The following ATP2A3 variants were observed in gnomAD, a reference collection of about 807,000 sequenced individuals.
ATP2A3 encodes ATPase sarcoplasmic/endoplasmic reticulum Ca2+ transporting 3, also known as sarcoplasmic/endoplasmic reticulum calcium ATPase 3.
ATP2A3 carries 61 observed loss-of-function variants against 106.8 expected under a neutral mutation model. That is an observed-to-expected ratio of 0.57 (90% CI 0.46 to 0.71). The LOEUF (loss-of-function observed/expected upper bound fraction) is 0.71, where lower values mean the gene tolerates loss of function less well. Among genes scored for constraint, ATP2A3 ranks in the 30% least tolerant of loss-of-function variants. The pLI is 0.00. For missense variants in ATP2A3, 1,201 were observed against 1,423.5 expected (o/e 0.84, Z 2.52); for synonymous variants, 611 against 609.3 (o/e 1.00, Z -0.04).
chr17:3,925,390 A>G lies in ATP2A3; in HGVS notation c.*32T>C. ...CACATGGGCACCATCAGTCTGAGGT[A>G]CACACCGGAGACTCCACTCTGTTCC... On this transcript the variant is annotated 3_prime_UTR_variant, in exon 21 of 21. Coordinates refer to ENST00000397041, the MANE Select transcript of ATP2A3 (RefSeq NM_005173.4). The surrounding 1 kb of genome is among the most constrained non-coding windows in gnomAD (Gnocchi z 4.2). 1 of 1,613,866 alleles carries G rather than the reference A, an allele frequency of 6.2e-7. No individual in the cohort carries two copies. The highest frequency in any genetic ancestry group is 1.1e-5 in the South Asian group (1 of 91,070).
chr17:3,958,869 TACACACAC>T (rs1555566985), intron 1 of ATP2A3, among the ~76,000 whole-genome samples: 3 of 77,418 alleles, frequency 3.9e-5, no homozygotes, highest in Middle Eastern at 7.0e-3. Flanking sequence ...TATATATATA[TACACACAC>T]ACACACACAC....
rs562556877 is a variant in ATP2A3 at position 3,927,816 on chromosome 17, C to G, written c.2980+847G>C. On this transcript the variant is annotated intron_variant, in intron 20 of 20. Coordinates refer to ENST00000397041, the MANE Select transcript of ATP2A3 (RefSeq NM_005173.4). ...ACAGACGCGTGATCTATTTATAGTCCCTCCACCCACTCCCCTGGGGCACAT... is the reference window on the plus strand; with the variant it reads ...ACAGACGCGTGATCTATTTATAGTCGCTCCACCCACTCCCCTGGGGCACAT... 11 of 985,376 alleles carry G rather than the reference C, an allele frequency of 1.1e-5. No homozygotes were observed. The South Asian group carries it at 3.8e-4, about 34-fold the overall frequency. 61.0% of individuals were successfully genotyped at this position (985,376 alleles called of 1,614,324 possible). A position where few individuals can be genotyped will look rare whatever the true frequency, so the allele number is the denominator to read the frequency against.
chr17:3,941,838 G>A (rs1365533874), intron 12 of ATP2A3, among the ~76,000 whole-genome samples, 184 bp from the exon 13 acceptor site: 1 of 152,194 alleles, frequency 6.6e-6, no homozygotes, highest in Non-Finnish European at 1.5e-5. Flanking sequence ...GTCCCCCTGT[G>A]AGACAATCTA....
chr17:3,938,352 T>C (rs2053562717), intron 14 of ATP2A3, among the ~76,000 whole-genome samples: 1 of 151,916 alleles, frequency 6.6e-6, no homozygotes, highest in South Asian at 2.1e-4. Flanking sequence ...GGGAGTCGCT[T>C]GAGCCCGGGA....
At position 3,951,596 on chromosome 17, in the gene ATP2A3, A is replaced by C; in HGVS notation, c.309T>G (p.Ile103Met). Residue 103 changes from isoleucine to methionine, a missense_variant, in exon 4 of 21, where the codon ATT becomes ATG. By Grantham distance (10) the Ile-to-Met change is conservative. Coordinates refer to ENST00000397041, the MANE Select transcript of ATP2A3 (RefSeq NM_005173.4). ...TGCCTCCCACCTGCCACACGCCCACAATGGCGTTGGCCACGAGGATCAGCA... is the reference window on the plus strand; with the variant it reads ...TGCCTCCCACCTGCCACACGCCCACCATGGCGTTGGCCACGAGGATCAGCA... The part of the protein sequence containing the change: ...VIMLILVANA[I>M]VGVWQERNAE... 1.5e-6 allele frequency: 2 copies of C among 1,317,878 alleles called. No homozygotes were observed. The highest frequency in any genetic ancestry group is 2.0e-6 in the Non-Finnish European group (2 of 996,290). The allele number at this position is 1,317,878 out of a possible 1,614,324, so 81.6% of individuals were successfully genotyped here.
chr17:3,924,748 G>C lies in ATP2A3; in HGVS notation c.*674C>G. On this transcript the variant is annotated 3_prime_UTR_variant, in exon 21 of 21. Coordinates refer to ENST00000397041, the MANE Select transcript of ATP2A3 (RefSeq NM_005173.4). The surrounding 1 kb of genome is among the most constrained non-coding windows in gnomAD (Gnocchi z 6.4). ...TCCCGGGAAAGGACATCCTCGCTCC[G>C]CCCTCCTGCCGGCTCCTTGTGTCCG... 2 of 456,568 alleles carry C rather than the reference G, an allele frequency of 4.4e-6. No individual in the cohort carries two copies. Among genetic ancestry groups the C allele is most frequent in the South Asian group, 3.1e-5 (2 of 64,570 alleles). 28.3% of individuals were successfully genotyped at this position (456,568 alleles called of 1,614,324 possible).
At position 3,951,566 on chromosome 17, in the gene ATP2A3, C is replaced by A; in HGVS notation, c.324+15G>T. ...AGACCGCCCCCCGCCCGGTCCCACC[C>A]CCAGTGCCTCCCACCTGCCACACGC... On this transcript the variant is annotated intron_variant, in intron 4 of 20. Coordinates refer to ENST00000397041, the MANE Select transcript of ATP2A3 (RefSeq NM_005173.4). 1 of 1,564,918 alleles carries A rather than the reference C, an allele frequency of 6.4e-7. No individual in the cohort carries two copies. Among genetic ancestry groups the A allele is most frequent in the South Asian group, 1.2e-5 (1 of 85,328 alleles).
intron 1 of ATP2A3, among the ~76,000 whole-genome samples, chr17:3,958,026 G>A (rs937539169): frequency 5.7e-4 from 87 of 152,220 alleles, no homozygotes; most frequent in African/African-American, 2.0e-3. Context: ...CTGGGAGTCA[G>A]CCTGCAGTCC....
In ATP2A3 at chr17:3,930,588, T is replaced by G. The variant is rs1597572360; in HGVS notation, c.2611-154A>C. On this transcript the variant is annotated intron_variant, in intron 17 of 20. Coordinates refer to ENST00000397041, the MANE Select transcript of ATP2A3 (RefSeq NM_005173.4). This position sits in a 1 kb window ranked among gnomAD's most constrained non-coding sequence, Gnocchi z 5.4. The stretch of plus-strand genomic sequence containing the variant: ...GGTGGGCTGGGGATCCCGGGAGGGG[T>G]GCGGGGTCGGGGCGGCGGTGGGGAG... The G allele has an allele frequency of 2.7e-5, 16 of 587,800 alleles. No individual in the cohort carries two copies. Among genetic ancestry groups the G allele is most frequent in the African/African-American group, 4.5e-5 (2 of 44,400 alleles). 36.4% of individuals were successfully genotyped at this position (587,800 alleles called of 1,614,324 possible).
At chr17:3,927,368 A>G in intron 20 of ATP2A3, 1 of 985,460 alleles carries the variant, frequency 1.0e-6, no homozygotes, top group Non-Finnish European at 1.2e-6. Context: ...AGTTGTGGCC[A>G]TTTGGGAACT....
In ATP2A3 at chr17:3,929,862, C is replaced by T. The variant is rs60658469; in HGVS notation, c.2745-417G>A. On this transcript the variant is annotated intron_variant, in intron 18 of 20. Coordinates refer to ENST00000397041, the MANE Select transcript of ATP2A3 (RefSeq NM_005173.4). This position sits in a 1 kb window ranked among gnomAD's most constrained non-coding sequence, Gnocchi z 4.3. The stretch of plus-strand genomic sequence containing the variant: ...CTCCCAGACCTCAGTCCTGGACTCC[C>T]CTGACCCCTGGAACCCAATCCTGGA... Among the ~76,000 whole-genome samples the T allele has an allele frequency of 0.058, 8,759 of 151,210 alleles. 864 individuals carry two copies. Among genetic ancestry groups the T allele is most frequent in the African/African-American group, 0.2 (8,255 of 40,700 alleles).
chr17:3,961,506 T>A (rs1342647159), intron 1 of ATP2A3, among the ~76,000 whole-genome samples: 2 of 105,736 alleles, frequency 1.9e-5, no homozygotes, highest in African/African-American at 7.4e-5. Context: ...CTGTGTGCAG[T>A]GAGGGAGGAG....
At position 3,940,031 on chromosome 17, in the gene ATP2A3, C is replaced by CTTTTTTTTTTTTT. The variant is rs1174008086; in HGVS notation, c.2100+939_2100+940insAAAAAAAAAAAAA. On this transcript the variant is annotated intron_variant, in intron 14 of 20. Coordinates refer to ENST00000397041, the MANE Select transcript of ATP2A3 (RefSeq NM_005173.4). ...ATGGGTTGATGGTAATGTGTCATAT[C>CTTTTTTTTTTTTT]TTTTTTTTTTTGTTTTTTGTTTTTT... is the stretch of plus-strand genomic sequence containing the variant. 5.2e-4 allele frequency among the ~76,000 whole-genome samples: 50 copies of CTTTTTTTTTTTTT among 96,506 alleles called. 4 individuals carry two copies. The highest frequency in any genetic ancestry group is 2.3e-3 in the African/African-American group (48 of 21,128). 63.3% of individuals were successfully genotyped at this position (96,506 alleles called of 152,430 possible).
chr17:3,925,209 G>A lies in ATP2A3; in HGVS notation c.*213C>T. ...ACTTCCCAGGAGAGTCCAGGAGACA[G>A]GAATTACAGACCTCCCAGGCCAGAA... is the stretch of plus-strand genomic sequence containing the variant. On this transcript the variant is annotated 3_prime_UTR_variant, in exon 21 of 21. Transcript: ENST00000397041. This position sits in a 1 kb window ranked among gnomAD's most constrained non-coding sequence, Gnocchi z 4.2. The A allele has an allele frequency of 1.4e-6, 1 of 709,436 alleles. No individual in the cohort carries two copies. Among genetic ancestry groups the A allele is most frequent in the Non-Finnish European group, 2.4e-6 (1 of 422,642 alleles). 43.9% of individuals were successfully genotyped at this position (709,436 alleles called of 1,614,324 possible).
Position 3,953,356 on chromosome 17 carries a change from A to G in ATP2A3, c.210T>C (p.Leu70=), listed in dbSNP as rs1436273490. ...GCAGGGCCCTACTTACAAAGGAGAC[A>G]AGGGCAGCCAGCAGCAGGATGCGCA... is the stretch of plus-strand genomic sequence containing the variant. ...LLVRILLLAA[L]VSFVLAWFEE... Residue 70 remains leucine, a synonymous_variant, in exon 3 of 21, where the codon CTT becomes CTC. Transcript: ENST00000397041. This position sits in a 1 kb window ranked among gnomAD's most constrained non-coding sequence, Gnocchi z 5.1. 2 of 1,613,806 alleles carry G rather than the reference A, an allele frequency of 1.2e-6. No homozygotes were observed. The highest frequency in any genetic ancestry group is 1.7e-6 in the Non-Finnish European group (2 of 1,179,952).
chr17:3,951,546 G>GGGCCCCCCCC, intron 4 of ATP2A3, 35 bp downstream of exon 4: 4 of 1,319,570 alleles, frequency 3.0e-6, no homozygotes, highest in Non-Finnish European at 4.2e-6. Flanking sequence ...CTGGGAGACC[G>GGGCCCCCCCC]CCCCCCGCCC....
In ATP2A3 at chr17:3,958,715, TATACAC is replaced by T. The variant is rs1287785330; in HGVS notation, c.119-5011_119-5006del. ...TCCTCCTCATTCATATATATATATA[TATACAC>T]ATATATATACACATATATATAGACA... On this transcript the variant is annotated intron_variant, in intron 1 of 20. Coordinates refer to ENST00000397041, the MANE Select transcript of ATP2A3 (RefSeq NM_005173.4). Among the ~76,000 whole-genome samples the T allele has an allele frequency of 3.1e-4, 31 of 99,844 alleles. 2 individuals are homozygous for T. Among genetic ancestry groups the T allele is most frequent in the African/African-American group, 1.3e-3 (31 of 23,072 alleles). The allele number at this position is 99,844 out of a possible 152,430, so 65.5% of individuals were successfully genotyped here.
intron 1 of ATP2A3, among the ~76,000 whole-genome samples, chr17:3,962,895 C>T (rs1162858751): frequency 6.6e-6 from 1 of 152,224 alleles, no homozygotes; most frequent in African/African-American, 2.4e-5. Flanking sequence ...CCAGCCCACC[C>T]CAGGGTCAGA....
intron 10 of ATP2A3, among the ~76,000 whole-genome samples, chr17:3,944,070 C>T (rs1023853101): frequency 6.6e-6 from 1 of 152,166 alleles, no homozygotes; most frequent in East Asian, 1.9e-4. Context: ...ATACCTTCTC[C>T]CCTCTCCCCA....
Sources: gnomAD v4.1 joint callset for allele counts (sites outside exome capture counted in the v4.1 genomes callset) on GRCh38, gnomAD v4.1.1 for gene constraint, Gnocchi (gnomAD v3.1) non-coding constraint, MANE v1.5 for transcripts, NCBI Gene and HGNC (gene_info 2026-07-23, HGNC 2026-07-21) for gene names.